EXOC4: variants seen among roughly 807,000 people sequenced by gnomAD.
EXOC4 encodes the protein SEC8-like 1.
EXOC4 carries 71 observed loss-of-function variants against 107.2 expected under a neutral mutation model. The observed-to-expected ratio is 0.66, with a 90% confidence interval of 0.55 to 0.81. The LOEUF is 0.81. Among genes scored for constraint, EXOC4 ranks in the 30% least tolerant of loss-of-function variants. The pLI is 0.00. For missense variants in EXOC4, 1,108 were observed against 1,189.6 expected, an observed-to-expected ratio of 0.93 and a Z score of 1.01; for synonymous variants, 456 against 441.2, an observed-to-expected ratio of 1.03 and a Z score of -0.42.
chr7:133,761,065 C>G, intron 10 of EXOC4, among the ~76,000 whole-genome samples: 1 of 152,272 alleles, frequency 6.6e-6, no homozygotes, highest in African/African-American at 2.4e-5. Flanking sequence ...AGAGGGCAAA[C>G]AAACCGATAA....
chr7:133,473,482 AT>A (rs1298813529), intron 7 of EXOC4, among the ~76,000 whole-genome samples: 7 of 152,108 alleles, frequency 4.6e-5, no homozygotes, highest in Non-Finnish European at 1.0e-4. Flanking sequence ...TATATTTACT[AT>A]TGTTGTATTC....
intron 9 of EXOC4, chr7:133,484,275 C>T: frequency 8.6e-7 from 1 of 1,167,336 alleles, no homozygotes; most frequent in Non-Finnish European, 1.1e-6. Context: ...ATATAGTCTG[C>T]TGTTGGCAGT....
chr7:133,734,885 C>T (rs1795404925), intron 10 of EXOC4, among the ~76,000 whole-genome samples: 2 of 151,578 alleles, frequency 1.3e-5, no homozygotes. Context: ...AGAGATTTAA[C>T]AAGTCATGAC....
At chr7:133,970,608 G>A (rs1406404862) in intron 14 of EXOC4, among the ~76,000 whole-genome samples, 2 of 152,130 alleles carry the variant, frequency 1.3e-5, no homozygotes, top group African/African-American at 2.4e-5. Flanking sequence ...GGAGTTCCCC[G>A]ACTCCTTGCG....
chr7:133,919,097 T>C (rs977089434), intron 13 of EXOC4, among the ~76,000 whole-genome samples: 8 of 152,230 alleles, frequency 5.3e-5, no homozygotes, highest in African/African-American at 1.7e-4. Context: ...TGAAAGTGCA[T>C]GTGTAATTTA....
At chr7:133,786,107 C>G (rs1796564178) in intron 10 of EXOC4, among the ~76,000 whole-genome samples, 1 of 152,102 alleles carries the variant, frequency 6.6e-6, no homozygotes, top group African/African-American at 2.4e-5. Flanking sequence ...TAAACCAATA[C>G]AAAAAAGCAG....
At chr7:133,903,695 G>A (rs1344678096) in intron 12 of EXOC4, among the ~76,000 whole-genome samples, 1 of 152,164 alleles carries the variant, frequency 6.6e-6, no homozygotes, top group African/African-American at 2.4e-5. Flanking sequence ...GTCTGGCCTG[G>A]AGATAGATAT....
intron 3 of EXOC4, among the ~76,000 whole-genome samples, chr7:133,294,247 T>C (rs988785531): frequency 2.0e-5 from 3 of 152,222 alleles, no homozygotes; most frequent in Non-Finnish European, 4.4e-5. Flanking sequence ...AGGTATTTCA[T>C]GATAGTTAAT....
intron 14 of EXOC4, among the ~76,000 whole-genome samples, chr7:133,944,955 T>G (rs1316487602): frequency 1.3e-5 from 2 of 152,170 alleles, no homozygotes; most frequent in Non-Finnish European, 2.9e-5. Flanking sequence ...AAAGTCTTAT[T>G]TTAACCCATT....
chr7:134,068,558 C>T (rs1228156703), downstream of EXOC4, among the ~76,000 whole-genome samples: 2 of 152,122 alleles, frequency 1.3e-5, no homozygotes, highest in East Asian at 3.9e-4. Flanking sequence ...TCAGGTATTT[C>T]TTCATAGCAG....
chr7:133,496,564 C>G (rs765379419), intron 9 of EXOC4, among the ~76,000 whole-genome samples: 51 of 152,206 alleles, frequency 3.4e-4, no homozygotes, highest in Non-Finnish European at 6.0e-4. Flanking sequence ...AGCGGCTTTT[C>G]TTACTAGAAA....
At chr7:133,461,902 A>G (rs775770700) in intron 7 of EXOC4, among the ~76,000 whole-genome samples, 1 of 152,306 alleles carries the variant, frequency 6.6e-6, no homozygotes, top group Middle Eastern at 3.4e-3. Context: ...TAACTGCTAA[A>G]TGAAATCCTT....
At chr7:133,611,031 C>T (rs1223110410) in intron 9 of EXOC4, among the ~76,000 whole-genome samples, 6 of 149,754 alleles carry the variant, frequency 4.0e-5, no homozygotes, top group African/African-American at 1.2e-4. Flanking sequence ...CCTGAACTCC[C>T]GGGCTCAAAT....
chr7:133,269,815 T>G (rs1378607795), intron 1 of EXOC4, among the ~76,000 whole-genome samples: 2 of 152,170 alleles, frequency 1.3e-5, no homozygotes, highest in African/African-American at 4.8e-5. Flanking sequence ...TCAGCACATC[T>G]GAGAGGCAGG....
intron 10 of EXOC4, chr7:133,768,340 T>C (rs547541313): frequency 6.6e-6 from 1 of 152,062 alleles, no homozygotes; most frequent in Non-Finnish European, 1.5e-5. Flanking sequence ...GAAAGAATGC[T>C]ATTGTCCATC....
chr7:133,288,934 C>A lies in EXOC4; in HGVS notation c.289C>A (p.Leu97Met), dbSNP rs1794342694. 6.2e-7 allele frequency: 1 copy of A among 1,614,084 alleles called. No homozygotes were observed. Among genetic ancestry groups the A allele is most frequent in the African/African-American group, 1.3e-5 (1 of 75,048 alleles). ...TGTTTTATTGTAGGTAAAAGAGAAC[C>A]TGCTTTCATGCAAGATGCTGCTGCA... ...RNKIKQVKEN[L>M]LSCKMLLHCK... is the part of the protein sequence containing the mutation. Residue 97 changes from leucine to methionine, a missense_variant, in exon 3 of 18, where the codon CTG becomes ATG. Coordinates refer to ENST00000253861, the MANE Select transcript of EXOC4 (RefSeq NM_021807.4).
At chr7:133,725,500 C>G (rs906611965) in intron 10 of EXOC4, among the ~76,000 whole-genome samples, 6 of 152,062 alleles carry the variant, frequency 3.9e-5, no homozygotes, top group African/African-American at 1.4e-4. Context: ...CTCAGCCTCC[C>G]GAGTAGCTGG....
At chr7:133,746,573 T>C (rs377683569) in intron 10 of EXOC4, among the ~76,000 whole-genome samples, 2 of 152,148 alleles carry the variant, frequency 1.3e-5, no homozygotes, top group Non-Finnish European at 2.9e-5. Context: ...GGAATACGTG[T>C]TTCTTTGCCA....
chr7:133,909,971 T>A (rs2116598865), intron 12 of EXOC4, among the ~76,000 whole-genome samples: 1 of 138,872 alleles, frequency 7.2e-6, no homozygotes, highest in South Asian at 2.3e-4. Context: ...TTGCCCAGGC[T>A]GGAATGCAAT....
Sources: allele counts gnomAD v4.1 joint callset (sites outside exome capture counted in the v4.1 genomes callset), GRCh38; gene constraint gnomAD v4.1.1; transcripts MANE v1.5; gene names NCBI Gene and HGNC (gene_info 2026-07-23, HGNC 2026-07-21).